The following ZBBX variants were observed in gnomAD, a reference collection of about 807,000 sequenced individuals.
ZBBX encodes zinc finger B-box domain-containing protein 1.
ZBBX carries 101 observed loss-of-function variants against 108.5 expected under a neutral mutation model. The ratio of observed to expected loss-of-function variants is 0.93; its 90% confidence interval spans 0.79 to 1.10. The LOEUF (loss-of-function observed/expected upper bound fraction) is 1.10, where lower values mean the gene tolerates loss of function less well. Ranked by LOEUF, ZBBX falls within the 50% of genes least tolerant of loss-of-function variation. The pLI is 0.00. For missense variants in ZBBX, 1,009 were observed against 941.4 expected, an observed-to-expected ratio of 1.07 and a Z score of -0.94; for synonymous variants, 356 against 323.4, an observed-to-expected ratio of 1.10 and a Z score of -1.08.
chr3:167,281,516 G>GTC (rs1728813063), intron 20 of ZBBX, among the ~76,000 whole-genome samples: 1 of 152,184 alleles, frequency 6.6e-6, no homozygotes, highest in Non-Finnish European at 1.5e-5. Context: ...TTTCTAGCCT[G>GTC]TCTCCTGTAT....
chr3:167,336,867 T>C (rs2108421567), intron 9 of ZBBX, among the ~76,000 whole-genome samples: 1 of 152,352 alleles, frequency 6.6e-6, no homozygotes, highest in African/African-American at 2.4e-5. Context: ...TTTTTATATT[T>C]GACCAAGTAT....
the ZBBX span, among the ~76,000 whole-genome samples, chr3:167,190,675 C>T: frequency 0.022 from 3,373 of 152,224 alleles, 47 homozygotes; most frequent in Middle Eastern, 0.051. Flanking sequence ...CCACCGCGTC[C>T]GGCCCATGTT....
intron 20 of ZBBX, among the ~76,000 whole-genome samples, chr3:167,267,353 C>T (rs551841781): frequency 2.6e-5 from 4 of 152,126 alleles, no homozygotes; most frequent in Middle Eastern, 6.8e-3. Flanking sequence ...GGGAATTGAG[C>T]GTTAATAAGC....
In ZBBX at chr3:167,368,519, T is replaced by A; in HGVS notation, c.124A>T (p.Met42Leu). ...CGGAATTCTTGCAGTTTCTTCTCCA[T>A]CTCTTGGTTCTCAAACTCTAACTGT... is the stretch of plus-strand genomic sequence containing the variant. ...KVQLEFENQE[M>L]EKKLQEFRST... Residue 42 changes from methionine (M) to leucine (L), a missense_variant, in exon 5 of 22, where the codon ATG (methionine) becomes TTG (leucine). Transcript: ENST00000675490. 6.2e-7 allele frequency: 1 copy of A among 1,612,574 alleles called. No homozygotes were observed. Among genetic ancestry groups the A allele is most frequent in the Non-Finnish European group, 8.5e-7 (1 of 1,179,026 alleles).
the ZBBX span, among the ~76,000 whole-genome samples, chr3:167,223,212 C>T: frequency 6.6e-6 from 1 of 151,844 alleles, no homozygotes; most frequent in African/African-American, 2.4e-5. Context: ...AGAGTCCTCA[C>T]CCCATACCGA....
intron 9 of ZBBX, among the ~76,000 whole-genome samples, chr3:167,348,477 G>A (rs892634637): frequency 6.8e-6 from 1 of 147,052 alleles, no homozygotes; most frequent in Non-Finnish European, 1.5e-5. Flanking sequence ...GAAAGAGAGA[G>A]AAGGAAAGAA....
chr3:167,257,217 C>T (rs968831097), intron 20 of ZBBX, among the ~76,000 whole-genome samples: 1 of 151,952 alleles, frequency 6.6e-6, no homozygotes, highest in Non-Finnish European at 1.5e-5. Context: ...TCAGATTGTT[C>T]ACTGTTGGCA....
At chr3:167,236,703 C>T (rs1720243318), downstream of ZBBX, among the ~76,000 whole-genome samples, 1 of 151,598 alleles carries the variant, frequency 6.6e-6, no homozygotes, top group South Asian at 2.1e-4. Flanking sequence ...TTATTCATTC[C>T]CCTACTAATG....
At chr3:167,178,725 C>A in the ZBBX span, among the ~76,000 whole-genome samples, 2 of 152,180 alleles carry the variant, frequency 1.3e-5, no homozygotes, top group African/African-American at 2.4e-5. Flanking sequence ...GTTATCGGAT[C>A]TCTCCACCAA....
At chr3:167,366,421 T>C (rs1024919231) in intron 5 of ZBBX, among the ~76,000 whole-genome samples, 1 of 151,838 alleles carries the variant, frequency 6.6e-6, no homozygotes, top group Non-Finnish European at 1.5e-5. Flanking sequence ...ATCTCCCACA[T>C]TGAAACATAA....
chr3:167,396,652 C>T (rs1748243384), intron 1 of ZBBX, among the ~76,000 whole-genome samples: 1 of 151,968 alleles, frequency 6.6e-6, no homozygotes, highest in Admixed American at 6.6e-5. Context: ...GAGTATGTAA[C>T]TGATTAAGTA....
the ZBBX span, among the ~76,000 whole-genome samples, chr3:167,191,934 T>TATATATAGAGAGAGAGAG: frequency 4.6e-5 from 6 of 130,222 alleles, no homozygotes; most frequent in African/African-American, 1.8e-4. Context: ...TATATATATA[T>TATATATAGAGAGAGAGAG]AGAGCAAGTT....
intron 18 of ZBBX, among the ~76,000 whole-genome samples, chr3:167,296,495 C>G (rs181853408): frequency 6.6e-6 from 1 of 151,906 alleles, no homozygotes; most frequent in East Asian, 1.9e-4. Flanking sequence ...AAAGATTCCA[C>G]AAAAATATGT....
At chr3:167,188,132 A>T in the ZBBX span, among the ~76,000 whole-genome samples, 2 of 152,176 alleles carry the variant, frequency 1.3e-5, no homozygotes, top group Non-Finnish European at 2.9e-5. Context: ...GAATTACCAT[A>T]AAAACAATTA....
chr3:167,318,733 T>C (rs1448505328), intron 12 of ZBBX, among the ~76,000 whole-genome samples: 2 of 151,950 alleles, frequency 1.3e-5, no homozygotes, highest in Admixed American at 6.6e-5. Context: ...GTGTACAGTT[T>C]TGTGGGTTTT....
chr3:167,207,673 T>C, the ZBBX span, among the ~76,000 whole-genome samples: 11 of 152,256 alleles, frequency 7.2e-5, no homozygotes, highest in East Asian at 5.8e-4. Context: ...TATTACATGC[T>C]CTCACACATA....
intron 1 of ZBBX, among the ~76,000 whole-genome samples, chr3:167,404,022 G>T (rs6794149): frequency 0.14 from 21,348 of 151,880 alleles, 1,636 homozygotes; most frequent in East Asian, 0.29. Context: ...TGTCAGAGGC[G>T]AAAAAAGTCA....
In ZBBX at chr3:167,240,772, A is replaced by T. The variant is rs550320551; in HGVS notation, c.*21T>A. On this transcript the variant is annotated 3_prime_UTR_variant, in exon 22 of 22. Coordinates refer to ENST00000675490, the MANE Select transcript of ZBBX (RefSeq NM_001199201.2). Reference sequence around the variant, plus strand: ...GCTTTACTCTGGGTACAAAATGGAAACAGTAATGAACAAATAATCTTTAAG... The same window carrying T: ...GCTTTACTCTGGGTACAAAATGGAATCAGTAATGAACAAATAATCTTTAAG... 7 of 1,607,782 alleles carry T rather than the reference A, an allele frequency of 4.4e-6. No homozygotes were observed. Among genetic ancestry groups the T allele is most frequent in the African/African-American group, 4.0e-5 (3 of 74,770 alleles).
chr3:167,394,621 G>T (rs187166475), intron 1 of ZBBX, among the ~76,000 whole-genome samples: 6 of 151,892 alleles, frequency 4.0e-5, no homozygotes, highest in Admixed American at 1.3e-4. Flanking sequence ...GAGACAAAAG[G>T]TTACACGGCC....
Sources: gnomAD v4.1 joint callset for allele counts (sites outside exome capture counted in the v4.1 genomes callset) on GRCh38, gnomAD v4.1.1 for gene constraint, MANE v1.5 for transcripts, NCBI Gene and HGNC (gene_info 2026-07-23, HGNC 2026-07-21) for gene names.